The following MYO3B variants were observed in gnomAD, a reference collection of about 807,000 sequenced individuals.
MYO3B encodes myosin-IIIb.
A neutral mutation model predicts 174.6 loss-of-function variants in MYO3B; 156 were observed. That is an observed-to-expected ratio of 0.89 (90% confidence interval 0.78 to 1.02). The LOEUF (loss-of-function observed/expected upper bound fraction) is 1.02, where lower values mean the gene tolerates loss of function less well. Among genes scored for constraint, MYO3B ranks in the 50% least tolerant of loss-of-function variants. The pLI is 0.00. For synonymous variants in MYO3B, 563 were observed against 569.1 expected (o/e 0.99, Z 0.15); for missense variants, 1,632 against 1,639.4 (o/e 1.00, Z 0.08).
chr2:170,262,406 T>G (rs1462853719), intron 7 of MYO3B, among the ~76,000 whole-genome samples: 1 of 152,092 alleles, frequency 6.6e-6, no homozygotes, highest in African/African-American at 2.4e-5. Flanking sequence ...TCAGCTGCTT[T>G]GAGAACAGTG....
At chr2:170,534,854 A>G (rs1689585382) in intron 30 of MYO3B, among the ~76,000 whole-genome samples, 2 of 152,226 alleles carry the variant, frequency 1.3e-5, no homozygotes, top group Admixed American at 6.5e-5. Context: ...TGCTAAATCT[A>G]CCAAGTGTTT....
At chr2:170,649,414 A>T (rs910548650) in intron 32 of MYO3B, among the ~76,000 whole-genome samples, 1 of 80,190 alleles carries the variant, frequency 1.2e-5, no homozygotes, top group Non-Finnish European at 2.5e-5. Context: ...AAAATATTAC[A>T]TATAAAATAT....
chr2:170,364,642 TC>T (rs2094185158), intron 8 of MYO3B, among the ~76,000 whole-genome samples: 1 of 152,216 alleles, frequency 6.6e-6, no homozygotes, highest in African/African-American at 2.4e-5. Flanking sequence ...TTGTTTGTTC[TC>T]CAAATCAGGT....
At chr2:170,462,117 C>G (rs4278903) in intron 23 of MYO3B, among the ~76,000 whole-genome samples, 36,170 of 152,152 alleles carry the variant, frequency 0.24, 4,454 homozygotes, top group Admixed American at 0.29. Flanking sequence ...CCTCTTCTTT[C>G]TAAACCCAGG....
At chr2:170,349,381 T>A (rs1457709188) in intron 8 of MYO3B, 1 of 152,216 alleles carries the variant, frequency 6.6e-6, no homozygotes, top group Non-Finnish European at 1.5e-5. Context: ...GAGCAGAGAA[T>A]GTATCTTTAC....
intron 1 of MYO3B, among the ~76,000 whole-genome samples, chr2:170,195,112 A>G (rs2092584031): frequency 6.6e-6 from 1 of 151,936 alleles, no homozygotes; most frequent in Non-Finnish European, 1.5e-5. Flanking sequence ...CTCCTTTTGC[A>G]ACACCCTCAC....
intron 7 of MYO3B, among the ~76,000 whole-genome samples, chr2:170,320,881 A>G (rs2093820849): frequency 6.6e-6 from 1 of 152,328 alleles, no homozygotes; most frequent in East Asian, 1.9e-4. Flanking sequence ...GGTGAAAAAA[A>G]TCAAAATGGA....
intron 7 of MYO3B, among the ~76,000 whole-genome samples, chr2:170,261,578 G>A (rs954242319): frequency 7.2e-5 from 11 of 152,248 alleles, no homozygotes; most frequent in African/African-American, 2.6e-4. Context: ...TTTTAAGTAG[G>A]GAGACTGCCA....
chr2:170,280,305 G>T (rs1462599210), intron 7 of MYO3B, among the ~76,000 whole-genome samples: 1 of 151,806 alleles, frequency 6.6e-6, no homozygotes, highest in African/African-American at 2.4e-5. Context: ...CTTTTTAGTG[G>T]GGTTGTTTTT....
At chr2:170,392,793 G>A (rs1259718149) in intron 16 of MYO3B, among the ~76,000 whole-genome samples, 1 of 151,996 alleles carries the variant, frequency 6.6e-6, no homozygotes, top group Non-Finnish European at 1.5e-5. Context: ...AGGACCATGT[G>A]CTGATAAATT....
intron 7 of MYO3B, among the ~76,000 whole-genome samples, chr2:170,335,105 C>T (rs1274877722): frequency 6.6e-6 from 1 of 152,014 alleles, no homozygotes; most frequent in Non-Finnish European, 1.5e-5. Context: ...CTTGCCTCAC[C>T]CCTCATTAGG....
intron 32 of MYO3B, among the ~76,000 whole-genome samples, chr2:170,649,438 C>CATATAAAAT (rs1698829333): frequency 1.2e-5 from 1 of 80,906 alleles, no homozygotes; most frequent in Non-Finnish European, 2.4e-5. Context: ...TAATATATTA[C>CATATAAAAT]ATATAAAATA....
At chr2:170,509,937 C>G (rs558565591) in intron 28 of MYO3B, among the ~76,000 whole-genome samples, 1 of 152,104 alleles carries the variant, frequency 6.6e-6, no homozygotes, top group Non-Finnish European at 1.5e-5. Flanking sequence ...GCCGTTTGGC[C>G]GGGAGTTCAA....
chr2:170,450,327 G>C (rs1683527895), intron 23 of MYO3B, among the ~76,000 whole-genome samples: 1 of 152,124 alleles, frequency 6.6e-6, no homozygotes, highest in Non-Finnish European at 1.5e-5. Context: ...GTCAGAAAAA[G>C]ACATACTTTA....
At chr2:170,405,737 AT>A (rs1187121830) in intron 21 of MYO3B, 104 bp downstream of exon 21, 9 of 901,020 alleles carry the variant, frequency 1.0e-5, no homozygotes, top group African/African-American at 1.7e-5. Context: ...TTTCTTTCCC[AT>A]TTTAATTCTT....
chr2:170,443,124 G>T (rs895945279), intron 22 of MYO3B, among the ~76,000 whole-genome samples: 1 of 152,164 alleles, frequency 6.6e-6, no homozygotes, highest in African/African-American at 2.4e-5. Flanking sequence ...GTGTAAAAGT[G>T]TTCCTATTTC....
chr2:170,425,245 A>G (rs2094651018), intron 22 of MYO3B, among the ~76,000 whole-genome samples: 2 of 152,236 alleles, frequency 1.3e-5, no homozygotes, highest in Admixed American at 6.5e-5. Context: ...TTTTCTTTTT[A>G]GAACACAAGA....
intron 32 of MYO3B, chr2:170,601,625 T>A (rs1401291959): frequency 3.9e-6 from 5 of 1,273,448 alleles, no homozygotes; most frequent in East Asian, 4.6e-5. Context: ...CATCATCATC[T>A]TCTTCATCTT....
rs79204115 is a variant in MYO3B at position 170,621,403 on chromosome 2, C to G, written c.3734-30225C>G. Reference sequence around the variant, plus strand: ...ATAACACCTTTCTTCAGGCAAGTTACAAGATGCTCTTCCTTCCCACCTTTC... The same window carrying G: ...ATAACACCTTTCTTCAGGCAAGTTAGAAGATGCTCTTCCTTCCCACCTTTC... On this transcript the variant is annotated intron_variant, in intron 32 of 34. Transcript: ENST00000408978. Among the ~76,000 whole-genome samples, 352 of 152,276 alleles carry G rather than the reference C, an allele frequency of 2.3e-3. 1 individual carries two copies. Among genetic ancestry groups the G allele is most frequent in the African/African-American group, 7.2e-3 (298 of 41,548 alleles).
Sources: allele counts gnomAD v4.1 joint callset (sites outside exome capture counted in the v4.1 genomes callset), GRCh38; gene constraint gnomAD v4.1.1; transcripts MANE v1.5; gene names NCBI Gene and HGNC (gene_info 2026-07-23, HGNC 2026-07-21).